The following GGT1 variants were observed in gnomAD, a reference collection of about 807,000 sequenced individuals.
The protein encoded by GGT1 is glutathione hydrolase 1 proenzyme.
GGT1 carries 21 observed loss-of-function variants against 56.0 expected under a neutral mutation model. The ratio of observed to expected loss-of-function variants is 0.38; its 90% confidence interval spans 0.27 to 0.54. The LOEUF (loss-of-function observed/expected upper bound fraction) is 0.54. GGT1 is among the 20% of genes least tolerant of loss of function. The probability of loss-of-function intolerance (pLI) is 0.82; values close to 1 mark genes in which losing one functional copy is unlikely to be tolerated. For missense variants in GGT1, 466 were observed against 787.0 expected (o/e 0.59, Z 4.88); for synonymous variants, 238 against 342.6 (o/e 0.69, Z 3.37).
the GGT1 span, chr22:24,588,453 G>A: frequency 1.2e-6 from 1 of 821,636 alleles, no homozygotes; most frequent in Non-Finnish European, 2.0e-6. Flanking sequence ...GCATCACCGA[G>A]TTGCCCACCA....
chr22:24,617,286 C>A (rs1233590936), intron 7 of GGT1, among the ~76,000 whole-genome samples: 1 of 152,156 alleles, frequency 6.6e-6, no homozygotes, highest in African/African-American at 2.4e-5. Flanking sequence ...GGGGAGGCTG[C>A]AGCAAGTGAT....
rs776387934 is a variant in GGT1 at position 24,627,874 on chromosome 22, C to T, written c.1231C>T (p.Pro411Ser). 1.2e-6 allele frequency: 2 copies of T among 1,613,752 alleles called. No individual in the cohort carries two copies. Among genetic ancestry groups the T allele is most frequent in the Admixed American group, 3.3e-5 (2 of 59,992 alleles). The change falls in exon 13 of 16, where the codon CCG (proline) becomes TCG (serine). Residue 411 changes from proline to serine, a missense_variant. Physicochemically the swap from Pro to Ser is moderately conservative, Grantham distance 74 (BLOSUM62 -1). Transcript: ENST00000400382. The part of the protein sequence containing the change: ...NLYFGSKVRS[P>S]VSGILFNNEM... ...TAGCTTTGGCTCCAAGGTCCGCTCC[C>T]CGGTCAGCGGGATCCTGTTCAATAA...
chr22:24,599,625 G>A (rs574880962), upstream of GGT1, among the ~76,000 whole-genome samples: 121 of 152,246 alleles, frequency 7.9e-4, no homozygotes, highest in Middle Eastern at 3.4e-3. Context: ...GCCCAGTGAG[G>A]ATGCAGGGGT....
At chr22:24,604,680 T>G (rs1207069288) in intron 1 of GGT1, among the ~76,000 whole-genome samples, 1 of 151,976 alleles carries the variant, frequency 6.6e-6, no homozygotes, top group African/African-American at 2.4e-5. Context: ...GTGACATGGC[T>G]TCCCCAGACC....
At chr22:24,618,081 T>C (rs2047182089) in intron 7 of GGT1, among the ~76,000 whole-genome samples, 1 of 152,098 alleles carries the variant, frequency 6.6e-6, no homozygotes, top group South Asian at 2.1e-4. Flanking sequence ...TTTTCTGATA[T>C]TGATACATGA....
At chr22:24,594,082 C>T (rs11913638), upstream of GGT1, among the ~76,000 whole-genome samples, 1,638 of 152,280 alleles carry the variant, frequency 0.011, 29 homozygotes, top group African/African-American at 0.036. Context: ...GAGATGGGGG[C>T]CCTGGCTCCT....
intron 1 of GGT1, among the ~76,000 whole-genome samples, chr22:24,595,907 T>A (rs1030236507): frequency 7.9e-5 from 12 of 152,342 alleles, no homozygotes; most frequent in African/African-American, 2.9e-4. Context: ...TCAGGGTTAA[T>A]GTTACCTCAG....
At chr22:24,592,247 G>C, upstream of GGT1, 1 of 461,422 alleles carries the variant, frequency 2.2e-6, no homozygotes. Flanking sequence ...GCCACCACCG[G>C]ACCGAGTGTT....
Position 24,614,867 on chromosome 22 carries a change from G to A in GGT1, c.256G>A (p.Gly86Arg). 6.2e-7 allele frequency: 1 copy of A among 1,612,778 alleles called. No homozygotes were observed. ...CATGAATGCCCACAGCATGGGCATC[G>A]GGGGTGGCCTCTTCCTCACCATCTA... ...GLMNAHSMGI[G>R]GGLFLTIYNS... is the part of the protein sequence containing the mutation. The change falls in exon 6 of 16, where the codon GGG becomes AGG. Residue 86 changes from glycine (G) to arginine (R), a missense_variant. Physicochemically the swap from Gly to Arg is moderately radical, Grantham distance 125. Around this residue, in one of 2 missense-constraint regions of GGT1, gnomAD observed 456 missense variants for 716.7 expected, o/e 0.64. Transcript: ENST00000400382.
chr22:24,617,585 G>T (rs994389374), intron 7 of GGT1, among the ~76,000 whole-genome samples: 7 of 151,956 alleles, frequency 4.6e-5, no homozygotes, highest in African/African-American at 1.7e-4. Context: ...CTTGTGTAGG[G>T]AGTCCCCGGG....
chr22:24,614,614 CA>C lies in GGT1; in HGVS notation c.165-145del, dbSNP rs4049879. ...CTGGCAATAGAGCAAGACTCCATCT[CA>C]AAAAAAAAAAAAAAAAGAAAGAAAG... is the stretch of plus-strand genomic sequence containing the variant. On this transcript the variant is annotated intron_variant, in intron 5 of 15. Transcript: ENST00000400382. 0.11 allele frequency among the ~76,000 whole-genome samples: 7,493 copies of C among 68,550 alleles called. 500 individuals are homozygous for C. Among genetic ancestry groups the C allele is most frequent in the African/African-American group, 0.26 (6,389 of 24,162 alleles). The allele number at this position is 68,550 out of a possible 152,430, so 45.0% of individuals were successfully genotyped here. A position where few individuals can be genotyped will look rare whatever the true frequency, so the allele number is the denominator to read the frequency against.
At position 24,606,051 on chromosome 22, in the gene GGT1, ATTATATTTATATAATTTATAT is replaced by A. The variant is rs1222163615; in HGVS notation, c.-428-1902_-428-1882del. ...ATATAATTTATATAATATATCATATATTATATTTATATAATTTATATAATATATCATATATTATATTTATAT... is the reference window on the plus strand; with the variant it reads ...ATATAATTTATATAATATATCATATAAATATATCATATATTATATTTATAT... On this transcript the variant is annotated intron_variant, in intron 1 of 15. Coordinates refer to ENST00000400382, the MANE Select transcript of GGT1 (RefSeq NM_001288833.2). 2.4e-4 allele frequency among the ~76,000 whole-genome samples: 21 copies of A among 88,178 alleles called. 1 individual carries two copies. The highest frequency in any genetic ancestry group is 3.4e-4 in the Non-Finnish European group (18 of 53,140). 57.8% of individuals were successfully genotyped at this position (88,178 alleles called of 152,430 possible).
intron 6 of GGT1, 22 bp downstream of exon 6, chr22:24,614,928 A>G (rs1239721158): frequency 6.7e-7 from 1 of 1,492,758 alleles, no homozygotes; most frequent in Non-Finnish European, 9.1e-7. Flanking sequence ...GGGAGAGGAG[A>G]GGGAGAGGGG....
intron 1 of GGT1, among the ~76,000 whole-genome samples, chr22:24,595,990 G>A (rs913210745): frequency 2.6e-5 from 4 of 152,238 alleles, no homozygotes; most frequent in African/African-American, 7.2e-5. Flanking sequence ...GGGGGCATTC[G>A]CTAGGAGGAA....
At position 24,628,607 on chromosome 22, in the gene GGT1, C is replaced by T. The variant is rs2047936147; in HGVS notation, c.1564-86C>T. 3.8e-5 allele frequency: 61 copies of T among 1,609,282 alleles called. No individual in the cohort carries two copies. The South Asian group carries it at 5.7e-4, about 15-fold the overall frequency. On this transcript the variant is annotated intron_variant, in intron 15 of 15. Coordinates refer to ENST00000400382, the MANE Select transcript of GGT1 (RefSeq NM_001288833.2). The surrounding 1 kb of genome is among the most constrained non-coding windows in gnomAD (Gnocchi z 5.7). ...GATGACCTGGCCCGAAATGGCACCA[C>T]CTGGGCTGAGGCCTGTGACCACACA...
the GGT1 span, chr22:24,589,225 C>A: frequency 1.6e-6 from 2 of 1,257,944 alleles, no homozygotes; most frequent in East Asian, 6.9e-5. Flanking sequence ...ATGCTCATGG[C>A]AGGACATCTG....
chr22:24,627,866 T>G lies in GGT1; in HGVS notation c.1223T>G (p.Val408Gly). The G allele has an allele frequency of 6.2e-7, 1 of 1,613,524 alleles. No homozygotes were observed. The highest frequency in any genetic ancestry group is 8.5e-7 in the Non-Finnish European group (1 of 1,179,662). Residue 408 changes from valine to glycine, a missense_variant, in exon 13 of 16, where the codon GTC becomes GGC. Val to Gly is a moderately radical substitution (Grantham distance 109). Around this residue, in one of 2 missense-constraint regions of GGT1, gnomAD observed 456 missense variants for 716.7 expected, o/e 0.64. Transcript: ENST00000400382. ...CTGGGCGGTAGCTTTGGCTCCAAGG[T>G]CCGCTCCCCGGTCAGCGGGATCCTG... ...STINLYFGSK[V>G]RSPVSGILFN... is the part of the protein sequence containing the mutation.
At chr22:24,589,049 T>C in the GGT1 span, 17 of 1,023,318 alleles carry the variant, frequency 1.7e-5, no homozygotes, top group Non-Finnish European at 1.8e-5. Context: ...GTTCCTGTGA[T>C]GGCCGTGGGC....
At chr22:24,618,222 C>G (rs1457021270) in intron 7 of GGT1, among the ~76,000 whole-genome samples, 1 of 152,162 alleles carries the variant, frequency 6.6e-6, no homozygotes, top group Non-Finnish European at 1.5e-5. Context: ...CCATAGTCCT[C>G]TCTTCGTTAC....
Sources: allele counts gnomAD v4.1 joint callset (sites outside exome capture counted in the v4.1 genomes callset), GRCh38; gene constraint gnomAD v4.1.1; regional missense constraint gnomAD v4.1.1; non-coding constraint Gnocchi (gnomAD v3.1); transcripts MANE v1.5; gene names NCBI Gene and HGNC (gene_info 2026-07-23, HGNC 2026-07-21).